The following DCC variants were observed in gnomAD, a reference collection of about 807,000 sequenced individuals.
DCC encodes DCC netrin 1 receptor, also known as netrin receptor DCC.
DCC carries 58 observed loss-of-function variants against 172.5 expected under a neutral mutation model. That is an observed-to-expected ratio of 0.34 (90% CI 0.27 to 0.42). The LOEUF (loss-of-function observed/expected upper bound fraction) is 0.42, where lower values mean the gene tolerates loss of function less well. DCC is among the 10% of genes least tolerant of loss of function. The probability of loss-of-function intolerance (pLI) is 1.00; values close to 1 mark genes in which losing one functional copy is unlikely to be tolerated. For missense variants in DCC, 1,740 were observed against 1,791.0 expected (o/e 0.97, Z 0.51); for synonymous variants, 709 against 644.5 (o/e 1.10, Z -1.52).
intron 7 of DCC, among the ~76,000 whole-genome samples, chr18:53,138,787 T>C (rs1326814682): frequency 6.6e-6 from 1 of 152,224 alleles, no homozygotes; most frequent in African/African-American, 2.4e-5. Flanking sequence ...GCTGCTACTC[T>C]GATAAGCTAC....
chr18:53,045,994 A>G (rs1207260626), intron 5 of DCC, among the ~76,000 whole-genome samples: 1 of 151,784 alleles, frequency 6.6e-6, no homozygotes, highest in Admixed American at 6.6e-5. Flanking sequence ...CACACATACA[A>G]ATGCTTTTTC....
chr18:52,516,071 A>G (rs950592315), intron 1 of DCC, among the ~76,000 whole-genome samples: 3 of 152,136 alleles, frequency 2.0e-5, no homozygotes, highest in Admixed American at 6.5e-5. Flanking sequence ...CACACCTAAC[A>G]GAATAAAAAA....
chr18:52,448,987 T>C (rs567452986), intron 1 of DCC, among the ~76,000 whole-genome samples: 5 of 152,358 alleles, frequency 3.3e-5, no homozygotes, highest in Admixed American at 1.3e-4. Flanking sequence ...ATACCCAAGA[T>C]TGGGCAATTT....
chr18:53,127,956 G>T (rs1412689267), intron 7 of DCC, among the ~76,000 whole-genome samples: 1 of 152,050 alleles, frequency 6.6e-6, no homozygotes, highest in Non-Finnish European at 1.5e-5. Context: ...CATAGCTTAA[G>T]TATTTATAAA....
At chr18:53,259,520 A>T (rs934381238) in intron 12 of DCC, among the ~76,000 whole-genome samples, 1 of 152,140 alleles carries the variant, frequency 6.6e-6, no homozygotes, top group African/African-American at 2.4e-5. Flanking sequence ...CTTTTCTTTA[A>T]GAATGTTGAA....
At chr18:53,423,896 A>T (rs1041887426) in intron 21 of DCC, among the ~76,000 whole-genome samples, 1 of 152,206 alleles carries the variant, frequency 6.6e-6, no homozygotes, top group African/African-American at 2.4e-5. Flanking sequence ...CTACAGAGTA[A>T]TCTGGAAAGA....
rs139920575 is a variant in DCC, at chr18:52,793,372, G to A, written c.412+40998G>A. ...TTGTCTTTGAGGCTCAACTTTACAG[G>A]CTATTTATTAGAAAATGATTTGAAG... is the stretch of plus-strand genomic sequence containing the variant. On this transcript the variant is annotated intron_variant, in intron 2 of 28. Coordinates refer to ENST00000442544, the MANE Select transcript of DCC (RefSeq NM_005215.4). Among the ~76,000 whole-genome samples, 132 of 152,218 alleles carry A rather than the reference G, an allele frequency of 8.7e-4. No homozygotes were observed. The East Asian group carries it at 0.025, about 29-fold the overall frequency.
At chr18:52,367,226 C>T (rs1363793486) in intron 1 of DCC, among the ~76,000 whole-genome samples, 4 of 152,234 alleles carry the variant, frequency 2.6e-5, no homozygotes, top group Non-Finnish European at 5.9e-5. Context: ...CCACGCCCAC[C>T]CGGAACTCCA....
intron 2 of DCC, among the ~76,000 whole-genome samples, chr18:52,865,024 C>A (rs1387270788): frequency 6.6e-6 from 1 of 152,048 alleles, no homozygotes; most frequent in Non-Finnish European, 1.5e-5. Context: ...TGCCACCACG[C>A]CTGGCTAATT....
In DCC at chr18:53,026,702, C is replaced by T. The variant is rs149742001; in HGVS notation, c.986-36603C>T. On this transcript the variant is annotated intron_variant, in intron 5 of 28. Transcript: ENST00000442544. ...TCCCAAGTAGCTGGAACTGCAGGTG[C>T]GTGCTGCCATACCTGACTAAAATTT... 2.6e-3 allele frequency among the ~76,000 whole-genome samples: 401 copies of T among 152,114 alleles called. 2 individuals carry two copies. The highest frequency in any genetic ancestry group is 8.6e-3 in the African/African-American group (359 of 41,538).
intron 1 of DCC, among the ~76,000 whole-genome samples, chr18:52,538,636 C>A (rs2032351837): frequency 6.6e-6 from 1 of 152,208 alleles, no homozygotes. Flanking sequence ...TCTTCCTTAT[C>A]TTCCTATCTC....
chr18:52,897,828 G>C (rs1178809483), intron 2 of DCC, among the ~76,000 whole-genome samples: 1 of 151,678 alleles, frequency 6.6e-6, no homozygotes, highest in Non-Finnish European at 1.5e-5. Flanking sequence ...AATTTTGCCA[G>C]TGGAAATGAA....
intron 9 of DCC, among the ~76,000 whole-genome samples, chr18:53,192,880 G>A (rs118070296): frequency 5.9e-5 from 9 of 152,210 alleles, no homozygotes; most frequent in South Asian, 4.1e-4. Context: ...TCCTTTCTCA[G>A]TGAACAACAC....
At chr18:52,952,415 A>G (rs2040663818) in intron 5 of DCC, among the ~76,000 whole-genome samples, 2 of 152,222 alleles carry the variant, frequency 1.3e-5, no homozygotes, top group African/African-American at 4.8e-5. Flanking sequence ...TGCTTGATCA[A>G]GAAAAAATGT....
At chr18:53,498,855 T>C (rs935361533) in intron 26 of DCC, among the ~76,000 whole-genome samples, 8 of 152,218 alleles carry the variant, frequency 5.3e-5, no homozygotes, top group African/African-American at 1.9e-4. Flanking sequence ...AACTCTGATT[T>C]GTTTGACAGT....
intron 1 of DCC, among the ~76,000 whole-genome samples, chr18:52,434,511 G>A (rs1229150579): frequency 6.6e-6 from 1 of 152,114 alleles, no homozygotes; most frequent in Non-Finnish European, 1.5e-5. Context: ...AACTATTTTT[G>A]AGAAAATATA....
chr18:52,893,914 A>T (rs988666641), intron 2 of DCC, among the ~76,000 whole-genome samples: 1 of 151,968 alleles, frequency 6.6e-6, no homozygotes, highest in Non-Finnish European at 1.5e-5. Context: ...ATTTAAAAAA[A>T]ACAGTATCAG....
intron 9 of DCC, among the ~76,000 whole-genome samples, chr18:53,182,964 C>A (rs950507812): frequency 6.6e-6 from 1 of 152,106 alleles, no homozygotes; most frequent in Admixed American, 6.6e-5. Flanking sequence ...ATCAATATTT[C>A]TTTTCTGACA....
At chr18:52,799,614 C>T (rs2037943908) in intron 2 of DCC, among the ~76,000 whole-genome samples, 1 of 152,080 alleles carries the variant, frequency 6.6e-6, no homozygotes, top group Non-Finnish European at 1.5e-5. Context: ...TTCCACTTTC[C>T]AAATACTTGT....
Sources: gnomAD v4.1 joint callset for allele counts (sites outside exome capture counted in the v4.1 genomes callset) on GRCh38, gnomAD v4.1.1 for gene constraint, MANE v1.5 for transcripts, NCBI Gene and HGNC (gene_info 2026-07-23, HGNC 2026-07-21) for gene names.